The following CDKN2A variants were observed in gnomAD, a reference collection of about 807,000 sequenced individuals.
CDKN2A encodes cyclin-dependent kinase inhibitor 2A.
Under a neutral mutation model 11.1 loss-of-function variants are expected in CDKN2A, and 3 were observed. That is an observed-to-expected ratio of 0.27 (90% confidence interval 0.12 to 0.70). The LOEUF (loss-of-function observed/expected upper bound fraction) is 0.70, where lower values mean the gene tolerates loss of function less well. CDKN2A is among the 30% of genes least tolerant of loss of function. The pLI, the probability that CDKN2A is intolerant of heterozygous loss-of-function variation, is 0.77. For synonymous variants in CDKN2A, 122 were observed against 108.1 expected, an observed-to-expected ratio of 1.13 and a Z score of -0.80; for missense variants, 265 against 233.6, an observed-to-expected ratio of 1.13 and a Z score of -0.88.
At position 21,988,346 on chromosome 9, in the gene CDKN2A, AT is replaced by A. The variant is rs1453182049; in HGVS notation, c.-4+5535del. Among the ~76,000 whole-genome samples, 1 of 152,146 alleles carries A rather than the reference AT, an allele frequency of 6.6e-6. No individual in the cohort carries two copies. Among genetic ancestry groups the A allele is most frequent in the Non-Finnish European group, 1.5e-5 (1 of 68,018 alleles). On this transcript the variant is annotated intron_variant, in intron 2 of 3. Coordinates refer to the CDKN2A transcript ENST00000494262. This position sits in a 1 kb window ranked among gnomAD's most constrained non-coding sequence, Gnocchi z 4.1. ...CATAAAAATTAAAAATCAACATACT[AT>A]TTTTTGAAAGGACCTCTGATGCTTT...
chr9:21,981,074 GTATA>G (rs369913497), intron 2 of CDKN2A, among the ~76,000 whole-genome samples: 1 of 30,104 alleles, frequency 3.3e-5, no homozygotes, highest in East Asian at 8.4e-4. Flanking sequence ...ATATATACGT[GTATA>G]TATATATATA....
intron 1 of CDKN2A, among the ~76,000 whole-genome samples, chr9:21,971,945 AAAAC>A (rs1258900515): frequency 6.6e-6 from 1 of 152,134 alleles, no homozygotes; most frequent in Non-Finnish European, 1.5e-5. Flanking sequence ...CATCTCAAAA[AAAAC>A]AATCAAACTT....
intron 2 of CDKN2A, among the ~76,000 whole-genome samples, chr9:21,985,756 T>C (rs902907641): frequency 2.6e-5 from 4 of 151,980 alleles, no homozygotes; most frequent in African/African-American, 9.7e-5. Context: ...GGCCACCATA[T>C]AGATCTTCTG....
At chr9:21,986,666 G>C (rs574374058) in intron 2 of CDKN2A, among the ~76,000 whole-genome samples, 20 of 152,182 alleles carry the variant, frequency 1.3e-4, no homozygotes, top group Middle Eastern at 3.4e-3. Flanking sequence ...GATAATGGAA[G>C]TTGAAGTGTC....
Position 21,968,301 on chromosome 9 carries a change from A to C in CDKN2A, c.458-59T>G. 1 of 1,594,928 alleles carries C rather than the reference A, an allele frequency of 6.3e-7. No homozygotes were observed. Among genetic ancestry groups the C allele is most frequent in the Non-Finnish European group, 8.6e-7 (1 of 1,163,152 alleles). Reference sequence around the variant, plus strand: ...ACCTGAGGTCAAAGATGTGTGGCACATCCCGCCCTCCTCTCTTGCCGTCCC... The same window carrying C: ...ACCTGAGGTCAAAGATGTGTGGCACCTCCCGCCCTCCTCTCTTGCCGTCCC... On this transcript the variant is annotated intron_variant, in intron 2 of 2. Coordinates refer to ENST00000304494, the MANE Select transcript of CDKN2A (RefSeq NM_000077.5). The surrounding 1 kb of genome is among the most constrained non-coding windows in gnomAD (Gnocchi z 4.7).
At chr9:21,992,569 T>C in intron 2 of CDKN2A, 1 of 442,954 alleles carries the variant, frequency 2.3e-6, no homozygotes, top group Non-Finnish European at 3.0e-6. Context: ...CTATAAAATA[T>C]TTTCTCTAAC....
At chr9:21,976,603 C>G (rs891681774), upstream of CDKN2A, among the ~76,000 whole-genome samples, 1 of 151,152 alleles carries the variant, frequency 6.6e-6, no homozygotes, top group Non-Finnish European at 1.5e-5. Context: ...GTAATCCCAG[C>G]TACTCGGAGG....
intron 2 of CDKN2A, among the ~76,000 whole-genome samples, chr9:21,987,432 C>CACACACACACACACAG (rs1311413150): frequency 4.3e-5 from 6 of 138,196 alleles, no homozygotes; most frequent in Non-Finnish European, 1.6e-5. Flanking sequence ...CACACACACA[C>CACACACACACACACAG]AGAGAGAGAG....
At chr9:21,971,575 A>ATTTTTTTTTTT (rs59981968) in intron 1 of CDKN2A, among the ~76,000 whole-genome samples, 1,990 of 111,132 alleles carry the variant, frequency 0.018, 110 homozygotes, top group Middle Eastern at 0.038. Flanking sequence ...AGGCCTGGAG[A>ATTTTTTTTTTT]TTTTTTTTTT....
rs1819668303 is a variant in CDKN2A at position 21,970,750 on chromosome 9, G to A, written c.457+152C>T. On this transcript the variant is annotated intron_variant, in intron 2 of 2. Transcript: ENST00000304494. Reference sequence around the variant, plus strand: ...ATTTGCCGCCCTGGCGGGGCAGGGCGATAGGGAGACTCAGGCCGTCCCACC... The same window carrying A: ...ATTTGCCGCCCTGGCGGGGCAGGGCAATAGGGAGACTCAGGCCGTCCCACC... The A allele has an allele frequency of 5.3e-6, 5 of 948,978 alleles. No homozygotes were observed. The Admixed American group carries it at 8.2e-5, about 16-fold the overall frequency. 58.8% of individuals were successfully genotyped at this position (948,978 alleles called of 1,614,324 possible). A position where few individuals can be genotyped will look rare whatever the true frequency, so the allele number is the denominator to read the frequency against.
Position 21,971,123 on chromosome 9 carries a change from G to A in CDKN2A, c.236C>T (p.Thr79Ile), listed in dbSNP as rs1034265990. 3.1e-6 allele frequency: 5 copies of A among 1,603,902 alleles called. No homozygotes were observed. The East Asian group carries it at 1.1e-4, about 36-fold the overall frequency. Reference protein sequence around the residue: ...EPNCADPATLTRPVHDAAREG... With the variant: ...EPNCADPATLIRPVHDAAREG... ...CCGGGCAGCGTCGTGCACGGGTCGG[G>A]TGAGAGTGGCGGGGTCGGCGCAGTT... is the stretch of plus-strand genomic sequence containing the variant. Residue 79 changes from threonine to isoleucine, a missense_variant, in exon 2 of 3, where the codon ACC becomes ATC. Coordinates refer to ENST00000304494, the MANE Select transcript of CDKN2A (RefSeq NM_000077.5).
intron 2 of CDKN2A, among the ~76,000 whole-genome samples, chr9:21,985,091 A>G (rs1451984143): frequency 1.3e-5 from 2 of 151,994 alleles, no homozygotes; most frequent in African/African-American, 2.4e-5. Context: ...CACTTTTCAC[A>G]TACAGATTTA....
upstream of CDKN2A, among the ~76,000 whole-genome samples, chr9:21,977,147 A>G (rs902256078): frequency 2.8e-4 from 42 of 152,228 alleles, no homozygotes; most frequent in African/African-American, 1.0e-3. Flanking sequence ...AAAATCTACA[A>G]TGCATTACTG....
upstream of CDKN2A, among the ~76,000 whole-genome samples, chr9:21,978,462 G>A (rs1029299100): frequency 2.6e-5 from 4 of 152,048 alleles, no homozygotes; most frequent in Admixed American, 6.5e-5. Flanking sequence ...TTTCCTATGT[G>A]CAAAATGGGA....
chr9:21,989,310 G>A (rs1237509139), intron 2 of CDKN2A: 3 of 152,090 alleles, frequency 2.0e-5, no homozygotes, highest in South Asian at 2.1e-4. Flanking sequence ...TTCTCCATCG[G>A]TTGGCTTACT....
rs776615460 is a variant in CDKN2A at position 21,994,203 on chromosome 9, C to T, written c.-175-150G>A. 1.9e-6 allele frequency: 3 copies of T among 1,606,716 alleles called. No homozygotes were observed. The highest frequency in any genetic ancestry group is 1.1e-5 in the South Asian group (1 of 91,050). The stretch of plus-strand genomic sequence containing the variant: ...TCCTCAGTAGCATCAGCACGAGGGC[C>T]ACAGCGGCGGGCGCCCCTGGCGCTG... On this transcript the variant is annotated intron_variant, in intron 1 of 3. Transcript: ENST00000494262.
chr9:21,983,129 G>A (rs993399118), intron 2 of CDKN2A, among the ~76,000 whole-genome samples: 7 of 152,044 alleles, frequency 4.6e-5, no homozygotes, highest in Non-Finnish European at 5.9e-5. Flanking sequence ...TTATTCTTCA[G>A]TAGTAATACA....
chr9:21,979,119 T>C (rs1486738677), upstream of CDKN2A, among the ~76,000 whole-genome samples: 1 of 151,846 alleles, frequency 6.6e-6, no homozygotes, highest in Non-Finnish European at 1.5e-5. Flanking sequence ...GATGTGAGAG[T>C]TTAAAGATGG....
In CDKN2A at chr9:21,974,482, C is replaced by T. The variant is rs2131109431; in HGVS notation, c.150+196G>A. ...ATCTGTACGCGCGTGGCTCCTCATTCCTCTTCCTTGGCTTCCCAAGCCCCC... is the reference window on the plus strand; with the variant it reads ...ATCTGTACGCGCGTGGCTCCTCATTTCTCTTCCTTGGCTTCCCAAGCCCCC... On this transcript the variant is annotated intron_variant, in intron 1 of 2. Coordinates refer to ENST00000304494, the MANE Select transcript of CDKN2A (RefSeq NM_000077.5). The surrounding 1 kb of genome is among the most constrained non-coding windows in gnomAD (Gnocchi z 5.2). The T allele has an allele frequency of 1.2e-6, 2 of 1,612,882 alleles. No homozygotes were observed. The highest frequency in any genetic ancestry group is 1.7e-6 in the Non-Finnish European group (2 of 1,179,758).
Sources: gnomAD v4.1 joint callset for allele counts (sites outside exome capture counted in the v4.1 genomes callset) on GRCh38, gnomAD v4.1.1 for gene constraint, Gnocchi (gnomAD v3.1) non-coding constraint, MANE v1.5 for transcripts, NCBI Gene and HGNC (gene_info 2026-07-23, HGNC 2026-07-21) for gene names.